VAT1L: variants seen among roughly 807,000 people sequenced by gnomAD.
VAT1L encodes putative NADPH-dependent quinone oxidoreductase VAT1L.
VAT1L carries 34 observed loss-of-function variants against 44.1 expected under a neutral mutation model. The observed-to-expected ratio is 0.77, with a 90% CI of 0.59 to 1.03. The LOEUF (loss-of-function observed/expected upper bound fraction) is 1.03. VAT1L is among the 50% of genes least tolerant of loss of function. VAT1L has a pLI of 0.00. For missense variants in VAT1L, 615 were observed against 538.8 expected, an observed-to-expected ratio of 1.14 and a Z score of -1.40; for synonymous variants, 253 against 202.2, an observed-to-expected ratio of 1.25 and a Z score of -2.13.
intron 7 of VAT1L, among the ~76,000 whole-genome samples, chr16:77,958,237 G>A (rs911627611): frequency 1.3e-5 from 2 of 151,962 alleles, no homozygotes; most frequent in Non-Finnish European, 2.9e-5. Context: ...CCCTCCGTTT[G>A]GCTGAGTGAC....
chr16:77,821,300 CTTT>C (rs753506804), intron 2 of VAT1L, among the ~76,000 whole-genome samples: 12 of 135,230 alleles, frequency 8.9e-5, no homozygotes, highest in African/African-American at 2.9e-4. Flanking sequence ...GAAATCTTGT[CTTT>C]TTTTTTTTTT....
In VAT1L at chr16:77,979,751, C is replaced by T. The variant is rs188312232; in HGVS notation, c.*2056C>T. The stretch of plus-strand genomic sequence containing the variant: ...AAGTTAATCCAGTAATCGCAAATTA[C>T]TCCAGATGGTTAAAGAAAACCCTTT... On this transcript the variant is annotated 3_prime_UTR_variant, in exon 9 of 9. Transcript: ENST00000302536. 5 of 152,742 alleles carry T rather than the reference C, an allele frequency of 3.3e-5. No individual in the cohort carries two copies. The East Asian group carries it at 9.6e-4, about 29-fold the overall frequency. The allele number at this position is 152,742 out of a possible 1,614,324, so 9.5% of individuals were successfully genotyped here.
At chr16:77,946,276 G>GTTCTTTTTTTTTTTTTTTTT (rs2017963091) in intron 7 of VAT1L, among the ~76,000 whole-genome samples, 1 of 33,862 alleles carries the variant, frequency 3.0e-5, no homozygotes, top group Non-Finnish European at 5.7e-5. Flanking sequence ...TAGGTTACTT[G>GTTCTTTTTTTTTTTTTTTTT]TTCTTTTTTT....
chr16:77,952,117 C>A (rs2018051597), intron 7 of VAT1L, among the ~76,000 whole-genome samples: 1 of 152,166 alleles, frequency 6.6e-6, no homozygotes, highest in African/African-American at 2.4e-5. Flanking sequence ...TTCTTGATTA[C>A]ATTTTGAAGG....
At chr16:77,855,473 A>C (rs1242162483) in intron 3 of VAT1L, among the ~76,000 whole-genome samples, 2 of 152,106 alleles carry the variant, frequency 1.3e-5, no homozygotes, top group East Asian at 3.9e-4. Flanking sequence ...ACATGCCCAC[A>C]CACTCCACTT....
chr16:77,912,187 G>T (rs575822179), intron 7 of VAT1L, among the ~76,000 whole-genome samples: 1 of 152,280 alleles, frequency 6.6e-6, no homozygotes, highest in Admixed American at 6.5e-5. Context: ...CCACTTCCCA[G>T]CATAAGTGAG....
At position 77,788,670 on chromosome 16, in the gene VAT1L, G is replaced by A; in HGVS notation, c.-13G>A. On this transcript the variant is annotated 5_prime_UTR_variant, in exon 1 of 9. Coordinates refer to ENST00000302536, the MANE Select transcript of VAT1L (RefSeq NM_020927.3). Reference sequence around the variant, plus strand: ...AGCCACCGCAGCCCGTGCGCCCCGCGCCCTCGAGCGCCATGGCCAAGGAAG... The same window carrying A: ...AGCCACCGCAGCCCGTGCGCCCCGCACCCTCGAGCGCCATGGCCAAGGAAG... 3 of 1,547,620 alleles carry A rather than the reference G, an allele frequency of 1.9e-6. No homozygotes were observed. Among genetic ancestry groups the A allele is most frequent in the Non-Finnish European group, 2.6e-6 (3 of 1,145,868 alleles).
intron 3 of VAT1L, among the ~76,000 whole-genome samples, chr16:77,855,697 T>G (rs1216490845): frequency 1.3e-5 from 2 of 152,226 alleles, no homozygotes; most frequent in Non-Finnish European, 2.9e-5. Context: ...CGTTTATATT[T>G]CTGGCACCTC....
At chr16:77,950,235 C>T (rs575807117) in intron 7 of VAT1L, among the ~76,000 whole-genome samples, 1 of 152,180 alleles carries the variant, frequency 6.6e-6, no homozygotes, top group South Asian at 2.1e-4. Flanking sequence ...ATGGGGAAAC[C>T]CCATCTCTAC....
intron 7 of VAT1L, among the ~76,000 whole-genome samples, chr16:77,970,096 C>T (rs902512656): frequency 4.1e-5 from 6 of 147,028 alleles, no homozygotes; most frequent in Non-Finnish European, 7.4e-5. Context: ...TAGCTGAGCA[C>T]GTGGTGACGC....
chr16:77,825,513 G>C lies in VAT1L; in HGVS notation c.579+52G>C, dbSNP rs551116364. On this transcript the variant is annotated intron_variant, in intron 3 of 8. Transcript: ENST00000302536. ...TCTTTAAGGTCATGATGGTGGAAGT[G>C]GAGTGACACCCCCCTGAGGTCTTAT... The C allele has an allele frequency of 5.2e-6, 8 of 1,534,830 alleles. No individual in the cohort carries two copies. In the East Asian group the frequency reaches 2.0e-4, roughly 38 times the overall value.
chr16:77,975,341 C>T (rs928349634), intron 8 of VAT1L, among the ~76,000 whole-genome samples: 2 of 151,470 alleles, frequency 1.3e-5, no homozygotes, highest in African/African-American at 4.9e-5. Flanking sequence ...TCTAGAATAG[C>T]TGGGATTAGA....
chr16:77,885,749 G>T (rs2017203265), intron 7 of VAT1L, among the ~76,000 whole-genome samples: 1 of 152,058 alleles, frequency 6.6e-6, no homozygotes, highest in South Asian at 2.1e-4. Context: ...AAGTACGAAA[G>T]TTCTAGTGGG....
intron 7 of VAT1L, among the ~76,000 whole-genome samples, chr16:77,967,744 G>A (rs1431724603): frequency 6.6e-6 from 1 of 152,140 alleles, no homozygotes; most frequent in Non-Finnish European, 1.5e-5. Context: ...TGTCTTACTG[G>A]AGAGGCAGCT....
intron 2 of VAT1L, among the ~76,000 whole-genome samples, chr16:77,820,826 G>A (rs1265678906): frequency 6.6e-6 from 1 of 152,200 alleles, no homozygotes; most frequent in Non-Finnish European, 1.5e-5. Context: ...GCAGATTCAG[G>A]AACATATTAG....
At chr16:77,919,814 G>A (rs1287624074) in intron 7 of VAT1L, among the ~76,000 whole-genome samples, 5 of 152,172 alleles carry the variant, frequency 3.3e-5, no homozygotes, top group South Asian at 2.1e-4. Context: ...TTGGCCGGGC[G>A]TGGTAGCTCA....
chr16:77,971,241 T>C (rs1336613609), intron 7 of VAT1L, among the ~76,000 whole-genome samples: 1 of 152,142 alleles, frequency 6.6e-6, no homozygotes. Flanking sequence ...TTTCAGAGGA[T>C]CCCAGGAGAC....
At chr16:77,960,292 G>C (rs1328231950) in intron 7 of VAT1L, among the ~76,000 whole-genome samples, 1 of 152,078 alleles carries the variant, frequency 6.6e-6, no homozygotes, top group Non-Finnish European at 1.5e-5. Flanking sequence ...GAATGAAAAA[G>C]CTTGGAGCCA....
At chr16:77,927,039 A>G (rs1213532347) in intron 7 of VAT1L, among the ~76,000 whole-genome samples, 8 of 152,258 alleles carry the variant, frequency 5.3e-5, no homozygotes, top group Middle Eastern at 3.4e-3. Flanking sequence ...AGGAATTAGT[A>G]CACATCAACA....
Sources: allele counts gnomAD v4.1 joint callset (sites outside exome capture counted in the v4.1 genomes callset), GRCh38; gene constraint gnomAD v4.1.1; transcripts MANE v1.5; gene names NCBI Gene and HGNC (gene_info 2026-07-23, HGNC 2026-07-21).